PID1: variants seen among roughly 807,000 people sequenced by gnomAD.
PID1 encodes phosphotyrosine interaction domain containing 1, also known as PTB-containing, cubilin and LRP1-interacting protein.
In PID1, 10 loss-of-function variants were observed where a neutral mutation model predicts 19.1. That is an observed-to-expected ratio of 0.52 (90% CI 0.32 to 0.89). PID1 has a LOEUF of 0.89. PID1 is among the 40% of genes least tolerant of loss of function. The probability of loss-of-function intolerance (pLI) is 0.03; values close to 1 mark genes in which losing one functional copy is unlikely to be tolerated. For missense variants in PID1, 248 were observed against 285.3 expected, an observed-to-expected ratio of 0.87 and a Z score of 0.94; for synonymous variants, 130 against 116.0, an observed-to-expected ratio of 1.12 and a Z score of -0.78.
intron 2 of PID1, among the ~76,000 whole-genome samples, chr2:229,045,166 C>G (rs1693850155): frequency 6.6e-6 from 1 of 152,128 alleles, no homozygotes; most frequent in Non-Finnish European, 1.5e-5. Context: ...GTTGGCCAGG[C>G]TAGTGTCCAA....
intron 1 of PID1, among the ~76,000 whole-genome samples, chr2:229,255,282 G>T (rs1690262206): frequency 6.6e-6 from 1 of 152,172 alleles, no homozygotes; most frequent in Non-Finnish European, 1.5e-5. Flanking sequence ...GTATGTTTAT[G>T]CTAAAAATCA....
intron 2 of PID1, among the ~76,000 whole-genome samples, chr2:229,127,590 C>T (rs547263461): frequency 2.0e-5 from 3 of 152,200 alleles, no homozygotes; most frequent in East Asian, 1.9e-4. Context: ...TTGTCACTAC[C>T]GACATTTTGG....
At chr2:229,193,784 GA>G (rs557216036) in intron 1 of PID1, among the ~76,000 whole-genome samples, 610 of 137,952 alleles carry the variant, frequency 4.4e-3, no homozygotes, top group Non-Finnish European at 5.6e-3. Flanking sequence ...GCCTTATTGG[GA>G]AAAAAAAAAA....
At chr2:229,216,312 A>G (rs1406459911) in intron 1 of PID1, among the ~76,000 whole-genome samples, 1 of 152,154 alleles carries the variant, frequency 6.6e-6, no homozygotes, top group Non-Finnish European at 1.5e-5. Context: ...GACTCATTGG[A>G]AGGTTTCTCC....
chr2:229,086,910 T>TACACACACACACAC (rs3083831), intron 2 of PID1, among the ~76,000 whole-genome samples: 1,975 of 150,134 alleles, frequency 0.013, 18 homozygotes, highest in East Asian at 0.057. Flanking sequence ...CACACGTGTG[T>TACACACACACACAC]ACACACACAC....
intron 1 of PID1, among the ~76,000 whole-genome samples, chr2:229,185,464 G>A (rs1574703509): frequency 6.6e-6 from 1 of 152,054 alleles, no homozygotes; most frequent in Non-Finnish European, 1.5e-5. Flanking sequence ...ACATACCCAA[G>A]ACTGGACAAT....
intron 1 of PID1, among the ~76,000 whole-genome samples, chr2:229,224,070 A>G (rs1692028305): frequency 6.6e-6 from 1 of 152,212 alleles, no homozygotes; most frequent in African/African-American, 2.4e-5. Context: ...CACTTAGGAT[A>G]ATGGCTTCCA....
intron 2 of PID1, among the ~76,000 whole-genome samples, chr2:229,041,880 C>A (rs994955941): frequency 6.6e-6 from 1 of 152,034 alleles, no homozygotes; most frequent in Non-Finnish European, 1.5e-5. Context: ...GAATAAAGAT[C>A]TGCTCCAGAT....
At chr2:229,070,214 A>C (rs4973154) in intron 2 of PID1, among the ~76,000 whole-genome samples, 2 of 152,192 alleles carry the variant, frequency 1.3e-5, no homozygotes, top group Admixed American at 1.3e-4. Flanking sequence ...GTTTGTAAAA[A>C]TTGTATATTA....
At chr2:229,134,866 T>A (rs1461637816) in intron 2 of PID1, among the ~76,000 whole-genome samples, 1 of 152,194 alleles carries the variant, frequency 6.6e-6, no homozygotes, top group Non-Finnish European at 1.5e-5. Context: ...TTTCACCTGA[T>A]CACAGGTTAA....
At chr2:229,075,651 C>T (rs1212072807) in intron 2 of PID1, among the ~76,000 whole-genome samples, 1 of 152,218 alleles carries the variant, frequency 6.6e-6, no homozygotes, top group Non-Finnish European at 1.5e-5. Flanking sequence ...AGCAAGGTCA[C>T]AAACACAACA....
chr2:229,271,010 T>C lies in PID1; in HGVS notation c.30+4A>G, dbSNP rs1231930636. 1.3e-6 allele frequency: 2 copies of C among 1,542,552 alleles called. No individual in the cohort carries two copies. Among genetic ancestry groups the C allele is most frequent in the East Asian group, 2.5e-5 (1 of 39,848 alleles). ...CTGGCCCCCGGCTCCCGGGTGCCCCTTACCTGCAGGCGCTCCGTGGCCGGC... is the reference window on the plus strand; with the variant it reads ...CTGGCCCCCGGCTCCCGGGTGCCCCCTACCTGCAGGCGCTCCGTGGCCGGC... On this transcript the variant is annotated splice_donor_region_variant and intron_variant, in intron 1 of 2. Coordinates refer to ENST00000392055, the MANE Select transcript of PID1 (RefSeq NM_001100818.2).
At chr2:229,149,804 G>A (rs963806916) in intron 2 of PID1, among the ~76,000 whole-genome samples, 1 of 152,160 alleles carries the variant, frequency 6.6e-6, no homozygotes, top group Non-Finnish European at 1.5e-5. Context: ...AGCACATGGT[G>A]AGCACAGGCC....
intron 2 of PID1, among the ~76,000 whole-genome samples, chr2:229,073,092 C>G (rs558281211): frequency 6.6e-6 from 1 of 152,336 alleles, no homozygotes; most frequent in African/African-American, 2.4e-5. Context: ...GTGGTGGGAT[C>G]TCAGCTCACT....
At chr2:229,146,326 A>T (rs1574666343) in intron 2 of PID1, among the ~76,000 whole-genome samples, 1 of 152,262 alleles carries the variant, frequency 6.6e-6, no homozygotes, top group East Asian at 1.9e-4. Flanking sequence ...AGGGCCTGTC[A>T]GGGGGTCAGG....
chr2:229,217,827 CT>C lies in PID1; in HGVS notation c.30+53186del, dbSNP rs201031891. On this transcript the variant is annotated intron_variant, in intron 1 of 2. Transcript: ENST00000392055. ...TTCCAAGGTAGGTCTAAACATGGTC[CT>C]TAGTTCTACCCTTCTTGCTTAATCT... Among the ~76,000 whole-genome samples, 831 of 152,256 alleles carry C rather than the reference CT, an allele frequency of 5.5e-3. 6 individuals are homozygous for C. Among genetic ancestry groups the C allele is most frequent in the African/African-American group, 0.019 (795 of 41,526 alleles).
intron 1 of PID1, among the ~76,000 whole-genome samples, chr2:229,179,904 C>T (rs1194383149): frequency 6.6e-6 from 1 of 152,178 alleles, no homozygotes; most frequent in African/African-American, 2.4e-5. Context: ...GAAACAGGCC[C>T]ATCTGCCCAG....
intron 1 of PID1, among the ~76,000 whole-genome samples, chr2:229,187,519 A>G (rs1382202089): frequency 6.6e-6 from 1 of 152,088 alleles, no homozygotes; most frequent in East Asian, 1.9e-4. Context: ...CAACCATCAG[A>G]TCATGTGAGA....
chr2:229,025,990 G>T lies in PID1; in HGVS notation c.296C>A (p.Ala99Asp). ...HTLAREDVFP[A>D]NALLEIRPFQ... ...TGGCCGGATTTCCAGGAGGGCATTG[G>T]CCGGAAAGACATCCTCTCGGGCTAG... The change falls in exon 3 of 3, where the codon GCC becomes GAC. Residue 99 changes from alanine (A) to aspartate (D), a missense_variant. Ala to Asp is a moderately radical substitution (Grantham distance 126). Transcript: ENST00000392055. 6.2e-7 allele frequency: 1 copy of T among 1,614,212 alleles called. No individual in the cohort carries two copies. Among genetic ancestry groups the T allele is most frequent in the Admixed American group, 1.7e-5 (1 of 60,030 alleles).
Sources: allele counts gnomAD v4.1 joint callset (sites outside exome capture counted in the v4.1 genomes callset), GRCh38; gene constraint gnomAD v4.1.1; transcripts MANE v1.5; gene names NCBI Gene and HGNC (gene_info 2026-07-23, HGNC 2026-07-21).